The following TAF2 variants were observed in gnomAD, a reference collection of about 807,000 sequenced individuals.
TAF2 encodes TATA-box binding protein associated factor 2, also known as transcription initiation factor TFIID subunit 2.
In TAF2, 61 loss-of-function variants were observed where a neutral mutation model predicts 138.5. The ratio of observed to expected loss-of-function variants is 0.44; its 90% CI spans 0.36 to 0.54. TAF2 has a LOEUF of 0.54. TAF2 is among the 20% of genes least tolerant of loss of function. TAF2 has a pLI of 0.00. For missense variants in TAF2, 1,090 were observed against 1,427.9 expected (o/e 0.76, Z 3.81); for synonymous variants, 475 against 469.9 (o/e 1.01, Z -0.14).
At chr8:119,740,681 A>C (rs1431561006) in intron 25 of TAF2, among the ~76,000 whole-genome samples, 1 of 61,462 alleles carries the variant, frequency 1.6e-5, no homozygotes, top group African/African-American at 6.1e-5. Flanking sequence ...AAAAAAAAAG[A>C]AAAGAAAAGA....
chr8:119,816,731 T>A (rs1323390843), intron 3 of TAF2, among the ~76,000 whole-genome samples: 2 of 152,200 alleles, frequency 1.3e-5, no homozygotes, highest in African/African-American at 4.8e-5. Flanking sequence ...TTCTTCTGAA[T>A]AATTGGTGTG....
In TAF2 at chr8:119,747,967, T is replaced by C. The variant is rs1820095147; in HGVS notation, c.2879-1033A>G. 1.3e-5 allele frequency among the ~76,000 whole-genome samples: 2 copies of C among 152,088 alleles called. 1 individual carries two copies. Among genetic ancestry groups the C allele is most frequent in the South Asian group, 4.2e-4 (2 of 4,816 alleles). ...GGCGAAGCCCACTCTCTACTAAAAATACAAAAATTAGCTGGGTGTGGTGGT... is the reference window on the plus strand; with the variant it reads ...GGCGAAGCCCACTCTCTACTAAAAACACAAAAATTAGCTGGGTGTGGTGGT... On this transcript the variant is annotated intron_variant, in intron 22 of 25. Coordinates refer to ENST00000378164, the MANE Select transcript of TAF2 (RefSeq NM_003184.4).
intron 25 of TAF2, among the ~76,000 whole-genome samples, chr8:119,734,355 A>G (rs1456764431): frequency 6.6e-6 from 1 of 152,120 alleles, no homozygotes; most frequent in Non-Finnish European, 1.5e-5. Context: ...TTTTTTTAAA[A>G]AAGTAAATTT....
chr8:119,777,976 T>G, intron 18 of TAF2, 43 bp downstream of exon 18: 1 of 1,060,116 alleles, frequency 9.4e-7, no homozygotes, highest in South Asian at 1.4e-5. Context: ...GAAAATTATC[T>G]AAGACAACTG....
chr8:119,822,671 C>T (rs1043282243), intron 2 of TAF2, among the ~76,000 whole-genome samples: 2 of 152,204 alleles, frequency 1.3e-5, no homozygotes, highest in Non-Finnish European at 2.9e-5. Context: ...CAAGATCACA[C>T]TCTGAAAAGC....
intron 2 of TAF2, 65 bp from the exon 3 acceptor site, chr8:119,819,571 A>C (rs768910579): frequency 1.5e-6 from 2 of 1,359,248 alleles, no homozygotes; most frequent in Non-Finnish European, 2.1e-6. Context: ...TATTTCTTTT[A>C]TTTTTACCAC....
chr8:119,746,518 G>C (rs1420281982), intron 23 of TAF2, among the ~76,000 whole-genome samples, 187 bp downstream of exon 23: 4 of 152,036 alleles, frequency 2.6e-5, no homozygotes, highest in African/African-American at 9.7e-5. Flanking sequence ...GTTATGTGCA[G>C]TTTTATAGTT....
chr8:119,832,089 G>A lies in TAF2; in HGVS notation c.84-358C>T, dbSNP rs561231640. On this transcript the variant is annotated intron_variant, in intron 1 of 25. Transcript: ENST00000378164. ...CAGGAGAAAAGCTTGAACCCGGCAGGTGGAGGCTGCAGTGAGCCGAGATCG... is the reference window on the plus strand; with the variant it reads ...CAGGAGAAAAGCTTGAACCCGGCAGATGGAGGCTGCAGTGAGCCGAGATCG... Among the ~76,000 whole-genome samples the A allele has an allele frequency of 4.6e-5, 7 of 152,280 alleles. No homozygotes were observed. The East Asian group carries it at 1.3e-3, about 29-fold the overall frequency.
chr8:119,752,387 T>C (rs1169516876), intron 22 of TAF2, among the ~76,000 whole-genome samples: 2 of 152,130 alleles, frequency 1.3e-5, no homozygotes, highest in Non-Finnish European at 2.9e-5. Flanking sequence ...GTGGAGTTAC[T>C]ACACACCAAG....
chr8:119,828,588 TCAG>T (rs1826243320), intron 2 of TAF2, among the ~76,000 whole-genome samples: 1 of 152,116 alleles, frequency 6.6e-6, no homozygotes, highest in East Asian at 1.9e-4. Context: ...AATAGAAATG[TCAG>T]CAGAAGGAAA....
At chr8:119,775,259 A>C (rs1822142411) in intron 18 of TAF2, among the ~76,000 whole-genome samples, 1 of 148,224 alleles carries the variant, frequency 6.7e-6, no homozygotes, top group Non-Finnish European at 1.5e-5. Context: ...CCAGCCTGGC[A>C]ACAAAGCAAG....
In TAF2 at chr8:119,789,637, G is replaced by T; in HGVS notation, c.1523C>A (p.Ser508Ter). The T allele has an allele frequency of 6.2e-7, 1 of 1,613,758 alleles. No individual in the cohort carries two copies. Among genetic ancestry groups the T allele is most frequent in the South Asian group, 1.1e-5 (1 of 91,062 alleles). Residue 508 changes from serine to a stop codon, truncating the protein, a stop_gained, in exon 12 of 26, where the codon TCA becomes TAA. Transcript: ENST00000378164. LOFTEE classifies it high-confidence loss of function. ...CTGAATATCTTTGCCAGAGACATTTGAAATGGATTTCAAAAACCCAGATGT... is the reference window on the plus strand; with the variant it reads ...CTGAATATCTTTGCCAGAGACATTTTAAATGGATTTCAAAAACCCAGATGT... ...VSTSGFLKSI[S>*]NVSGKDIQPL...
intron 25 of TAF2, among the ~76,000 whole-genome samples, chr8:119,734,591 G>A (rs1272582593): frequency 1.3e-5 from 2 of 152,088 alleles, no homozygotes; most frequent in Non-Finnish European, 2.9e-5. Context: ...TATTCCCTAT[G>A]CTTGGGATGT....
At chr8:119,768,597 G>T (rs934096461) in intron 18 of TAF2, among the ~76,000 whole-genome samples, 1 of 152,196 alleles carries the variant, frequency 6.6e-6, no homozygotes, top group African/African-American at 2.4e-5. Context: ...CAATTTGGGG[G>T]AATGTTCCAC....
rs1819840377 is a variant in TAF2 at position 119,744,761 on chromosome 8, T to G, written c.3109-368A>C. On this transcript the variant is annotated intron_variant, in intron 23 of 25. Coordinates refer to ENST00000378164, the MANE Select transcript of TAF2 (RefSeq NM_003184.4). ...AATGTCTCAGAAGGACCTTTGAGTT[T>G]TATAATGCAGTCTGTTGCGTGTGTT... 3 of 378,510 alleles carry G rather than the reference T, an allele frequency of 7.9e-6. No individual in the cohort carries two copies. In the Admixed American group the frequency reaches 1.1e-4, roughly 14 times the overall value. The allele number at this position is 378,510 out of a possible 1,614,324, so 23.4% of individuals were successfully genotyped here. A position where few individuals can be genotyped will look rare whatever the true frequency, so the allele number is the denominator to read the frequency against.
intron 16 of TAF2, among the ~76,000 whole-genome samples, chr8:119,781,621 G>T (rs1822663055): frequency 6.6e-6 from 1 of 151,870 alleles, no homozygotes; most frequent in Admixed American, 6.6e-5. Context: ...GGAGGGGGAG[G>T]TTGCAGTGAG....
At chr8:119,827,836 C>T (rs976536316) in intron 2 of TAF2, among the ~76,000 whole-genome samples, 10 of 151,470 alleles carry the variant, frequency 6.6e-5, no homozygotes, top group African/African-American at 2.4e-4. Context: ...CTCTGCCTCC[C>T]GTGTTCAAGT....
At chr8:119,811,228 T>C (rs963196800) in intron 3 of TAF2, among the ~76,000 whole-genome samples, 3 of 152,052 alleles carry the variant, frequency 2.0e-5, no homozygotes, top group Non-Finnish European at 4.4e-5. Context: ...TCTCTAAGAA[T>C]TTTAAATATC....
Position 119,756,066 on chromosome 8 carries a change from T to G in TAF2, c.2818A>C (p.Met940Leu), listed in dbSNP as rs768684024. 3.1e-6 allele frequency: 5 copies of G among 1,613,752 alleles called. No individual in the cohort carries two copies. The highest frequency in any genetic ancestry group is 3.4e-6 in the Non-Finnish European group (4 of 1,179,836). Residue 940 changes from methionine to leucine, a missense_variant, in exon 22 of 26, where the codon ATG becomes CTG. By Grantham distance (15) the Met-to-Leu change is conservative (BLOSUM62 2). Coordinates refer to ENST00000378164, the MANE Select transcript of TAF2 (RefSeq NM_003184.4). ...GCTTCATTGCATAAGGGAGACTCCA[T>G]GTTCTTAGTAAATGGTGGGTTCTTA... ...LTKNPPFTKN[M>L]ESPLCNEALV...
Sources: allele counts gnomAD v4.1 joint callset (sites outside exome capture counted in the v4.1 genomes callset), GRCh38; gene constraint gnomAD v4.1.1; transcripts MANE v1.5; gene names NCBI Gene and HGNC (gene_info 2026-07-23, HGNC 2026-07-21).